Variants in KIF26B observed in about 807,000 individuals in gnomAD.
The protein encoded by KIF26B is kinesin family member 26B, also known as kinesin-like protein KIF26B.
In KIF26B, 63 loss-of-function variants were observed where a neutral mutation model predicts 151.2. The observed-to-expected ratio is 0.42, with a 90% CI of 0.34 to 0.51. The LOEUF (loss-of-function observed/expected upper bound fraction) is 0.51. KIF26B is among the 20% of genes least tolerant of loss of function. The pLI is 0.07. For missense variants in KIF26B, 2,813 were observed against 2,913.6 expected (o/e 0.97, Z 0.79); for synonymous variants, 1,357 against 1,262.1 (o/e 1.08, Z -1.59).
intron 4 of KIF26B, among the ~76,000 whole-genome samples, chr1:245,440,215 T>C (rs947225327): frequency 1.1e-4 from 17 of 150,274 alleles, no homozygotes; most frequent in Non-Finnish European, 1.9e-4. Flanking sequence ...AGCCAGACTC[T>C]GCCTAAAAAA....
In KIF26B at chr1:245,358,059, G is replaced by A. The variant is rs555998150; in HGVS notation, c.466-8775G>A. The stretch of plus-strand genomic sequence containing the variant: ...AGCCTCCTGAGTAGCTGGGACTAAA[G>A]GCATGCACCACCGCACCTGGCTAAT... On this transcript the variant is annotated intron_variant, in intron 2 of 14. Transcript: ENST00000407071. The surrounding 1 kb of genome is among the most constrained non-coding windows in gnomAD (Gnocchi z 4.1). Among the ~76,000 whole-genome samples the A allele has an allele frequency of 6.6e-6, 1 of 152,140 alleles. No individual in the cohort carries two copies. Among genetic ancestry groups the A allele is most frequent in the South Asian group, 2.1e-4 (1 of 4,814 alleles).
At chr1:245,388,909 G>C (rs775756392) in intron 3 of KIF26B, among the ~76,000 whole-genome samples, 1 of 152,158 alleles carries the variant, frequency 6.6e-6, no homozygotes, top group Non-Finnish European at 1.5e-5. Flanking sequence ...TCCTGTAATT[G>C]ACTCTGGGAC....
intron 4 of KIF26B, among the ~76,000 whole-genome samples, chr1:245,531,172 T>C (rs1035039621): frequency 1.7e-4 from 26 of 152,252 alleles, no homozygotes; most frequent in Admixed American, 4.6e-4. Context: ...TGCTTATGTA[T>C]AATATGATTT....
At chr1:245,637,893 T>C (rs2043852106) in intron 9 of KIF26B, among the ~76,000 whole-genome samples, 1 of 152,106 alleles carries the variant, frequency 6.6e-6, no homozygotes, top group Non-Finnish European at 1.5e-5. Flanking sequence ...GGTATACTCT[T>C]TGCTTACTAT....
chr1:245,404,468 G>A (rs1176383272), intron 3 of KIF26B, among the ~76,000 whole-genome samples: 1 of 152,150 alleles, frequency 6.6e-6, no homozygotes, highest in Non-Finnish European at 1.5e-5. Context: ...CGGTTTATTA[G>A]CTCGGGGAAT....
intron 10 of KIF26B, among the ~76,000 whole-genome samples, chr1:245,680,177 C>T (rs932052285): frequency 6.6e-6 from 1 of 152,178 alleles, no homozygotes; most frequent in African/African-American, 2.4e-5. Flanking sequence ...CAGTACCCTG[C>T]CCCTTCCCTC....
At position 245,685,921 on chromosome 1, in the gene KIF26B, G is replaced by A. The variant is rs1316399733; in HGVS notation, c.2938G>A (p.Glu980Lys). ...GASPLSESDK[E>K]DNGSEGQLTN... ...AAGCCCACTCTCTGAGTCTGATAAG[G>A]AAGATAATGGGTCCGAAGGTCAGCT... is the stretch of plus-strand genomic sequence containing the variant. The change falls in exon 12 of 15, where the codon GAA becomes AAA. Residue 980 changes from glutamate to lysine, a missense_variant. Physicochemically the swap from Glu to Lys is moderately conservative, Grantham distance 56. Coordinates refer to ENST00000407071, the MANE Select transcript of KIF26B (RefSeq NM_018012.4). 1 of 1,612,830 alleles carries A rather than the reference G, an allele frequency of 6.2e-7. No individual in the cohort carries two copies. The highest frequency in any genetic ancestry group is 1.7e-5 in the Admixed American group (1 of 59,914).
chr1:245,258,106 A>G (rs1362066318), intron 2 of KIF26B, among the ~76,000 whole-genome samples: 4 of 152,090 alleles, frequency 2.6e-5, no homozygotes, highest in African/African-American at 9.7e-5. Context: ...CTGGGGTCCT[A>G]GGGAGCTTGA....
chr1:245,641,336 G>A (rs115354313), intron 9 of KIF26B, among the ~76,000 whole-genome samples: 1,562 of 152,040 alleles, frequency 0.01, 9 homozygotes, highest in Non-Finnish European at 0.014. Flanking sequence ...GAATCTGATC[G>A]GTGACTTTTG....
intron 2 of KIF26B, among the ~76,000 whole-genome samples, chr1:245,191,640 A>G (rs1418911252): frequency 3.3e-5 from 5 of 152,358 alleles, no homozygotes; most frequent in African/African-American, 1.2e-4. Context: ...AAACATTTGT[A>G]CGTTGACAAA....
intron 4 of KIF26B, among the ~76,000 whole-genome samples, chr1:245,453,045 G>T (rs1044159374): frequency 1.8e-4 from 28 of 152,026 alleles, no homozygotes; most frequent in Non-Finnish European, 7.4e-5. Flanking sequence ...TTTCTCCTAA[G>T]GGTTTTATAG....
At chr1:245,419,838 T>A in intron 4 of KIF26B, 93 bp downstream of exon 4, 2 of 1,187,930 alleles carry the variant, frequency 1.7e-6, no homozygotes, top group Non-Finnish European at 1.2e-6. Flanking sequence ...CTAGAAAGAG[T>A]TTGGGGCCGT....
rs1668690382 is a variant in KIF26B, at chr1:245,170,424, C to T, written c.465+13741C>T. 6.6e-6 allele frequency among the ~76,000 whole-genome samples: 1 copy of T among 152,218 alleles called. No individual in the cohort carries two copies. The highest frequency in any genetic ancestry group is 1.5e-5 in the Non-Finnish European group (1 of 68,036). ...TGTGGGAATGCTCACTGGATGCTTACAATTGGTTCCAGGTGTTCCAGGGAC... is the reference window on the plus strand; with the variant it reads ...TGTGGGAATGCTCACTGGATGCTTATAATTGGTTCCAGGTGTTCCAGGGAC... On this transcript the variant is annotated intron_variant, in intron 2 of 14. Transcript: ENST00000407071. The surrounding 1 kb of genome is among the most constrained non-coding windows in gnomAD (Gnocchi z 4.4).
At chr1:245,449,243 G>A (rs988842127) in intron 4 of KIF26B, among the ~76,000 whole-genome samples, 4 of 152,208 alleles carry the variant, frequency 2.6e-5, no homozygotes, top group Non-Finnish European at 5.9e-5. Flanking sequence ...TTGTCGTATG[G>A]AAGTGATTTG....
At chr1:245,670,772 G>T (rs564195022) in intron 10 of KIF26B, among the ~76,000 whole-genome samples, 51 of 152,196 alleles carry the variant, frequency 3.4e-4, no homozygotes, top group Non-Finnish European at 6.0e-4. Flanking sequence ...TGAGATGTTG[G>T]GATACAGACA....
At chr1:245,555,366 T>C (rs1272147778) in intron 5 of KIF26B, among the ~76,000 whole-genome samples, 1 of 152,130 alleles carries the variant, frequency 6.6e-6, no homozygotes. Flanking sequence ...CCGGGACGCT[T>C]CTCGCCTCGT....
intron 4 of KIF26B, among the ~76,000 whole-genome samples, chr1:245,509,600 G>A (rs1660790982): frequency 1.3e-5 from 2 of 152,180 alleles, no homozygotes; most frequent in South Asian, 4.1e-4. Flanking sequence ...TGAAGCAATG[G>A]GTCTCCAGAA....
intron 4 of KIF26B, among the ~76,000 whole-genome samples, chr1:245,517,869 ATTTTTT>A (rs549396811): frequency 7.6e-6 from 1 of 131,020 alleles, no homozygotes; most frequent in Non-Finnish European, 1.6e-5. Context: ...GTGTCATGTA[ATTTTTT>A]TTTTTTTTTT....
chr1:245,470,813 C>T (rs1659896117), intron 4 of KIF26B, among the ~76,000 whole-genome samples: 1 of 152,112 alleles, frequency 6.6e-6, no homozygotes, highest in South Asian at 2.1e-4. Context: ...CCTGCCTATT[C>T]GTGCATAATT....
Sources: gnomAD v4.1 joint callset for allele counts (sites outside exome capture counted in the v4.1 genomes callset) on GRCh38, gnomAD v4.1.1 for gene constraint, Gnocchi (gnomAD v3.1) non-coding constraint, MANE v1.5 for transcripts, NCBI Gene and HGNC (gene_info 2026-07-23, HGNC 2026-07-21) for gene names.